The following ALDH8A1 variants were observed in gnomAD, a reference collection of about 807,000 sequenced individuals.
ALDH8A1 encodes the protein 2-aminomuconic semialdehyde dehydrogenase.
ALDH8A1 carries 39 observed loss-of-function variants against 43.3 expected under a neutral mutation model. The ratio of observed to expected loss-of-function variants is 0.90; its 90% confidence interval spans 0.70 to 1.18. ALDH8A1 has a LOEUF of 1.18. Ranked by LOEUF, ALDH8A1 falls within the 50% of genes most tolerant of loss-of-function variation. The probability of loss-of-function intolerance (pLI) is 0.00; values close to 1 mark genes in which losing one functional copy is unlikely to be tolerated. For synonymous variants in ALDH8A1, 233 were observed against 243.5 expected (o/e 0.96, Z 0.40); for missense variants, 605 against 622.6 (o/e 0.97, Z 0.30).
chr6:134,948,189 AGC>A (rs1773986667), intron 1 of ALDH8A1, among the ~76,000 whole-genome samples: 1 of 152,218 alleles, frequency 6.6e-6, no homozygotes, highest in Non-Finnish European at 1.5e-5. Context: ...CATATGTGGA[AGC>A]TTAAAAAAGT....
chr6:134,928,959 A>G, intron 6 of ALDH8A1, 95 bp downstream of exon 6: 1 of 1,388,486 alleles, frequency 7.2e-7, no homozygotes, highest in East Asian at 2.3e-5. Flanking sequence ...GGTAGTAACT[A>G]ACAATATTTC....
intron 6 of ALDH8A1, among the ~76,000 whole-genome samples, chr6:134,928,069 G>A (rs575081281): frequency 5.3e-5 from 8 of 152,254 alleles, no homozygotes; most frequent in Admixed American, 3.9e-4. Flanking sequence ...TTAAATAAAT[G>A]ACCACAAGCC....
rs535664027 is a variant in ALDH8A1, at chr6:134,917,410, T to C, written c.*1005A>G. ...TGCCATACTGGTTACTAAAATTGCT[T>C]AACATTTATTGCTTCTTTTGGGGTT... On this transcript the variant is annotated 3_prime_UTR_variant, in exon 7 of 7. Transcript: ENST00000265605. The C allele has an allele frequency of 1.3e-5, 2 of 152,304 alleles. No homozygotes were observed. The highest frequency in any genetic ancestry group is 1.9e-4 in the East Asian group (1 of 5,190). The allele number at this position is 152,304 out of a possible 1,614,324, so 9.4% of individuals were successfully genotyped here. A position where few individuals can be genotyped will look rare whatever the true frequency, so the allele number is the denominator to read the frequency against.
intron 6 of ALDH8A1, among the ~76,000 whole-genome samples, chr6:134,921,720 A>C (rs1404996467): frequency 1.3e-5 from 2 of 152,210 alleles, no homozygotes; most frequent in Non-Finnish European, 2.9e-5. Context: ...TGGAGAAGAC[A>C]AAAACACACT....
intron 5 of ALDH8A1, among the ~76,000 whole-genome samples, chr6:134,931,639 G>GT (rs144603032): frequency 0.016 from 2,377 of 152,286 alleles, 31 homozygotes; most frequent in Middle Eastern, 0.02. Context: ...TTGTCCCTCT[G>GT]TTGTTGTCTG....
chr6:134,938,748 T>C (rs995059150), intron 4 of ALDH8A1, among the ~76,000 whole-genome samples: 7 of 152,004 alleles, frequency 4.6e-5, no homozygotes, highest in Admixed American at 2.6e-4. Flanking sequence ...CCTGGGTTCA[T>C]GCCATTCTCC....
intron 3 of ALDH8A1, among the ~76,000 whole-genome samples, chr6:134,941,081 A>G (rs1322581718): frequency 1.3e-5 from 2 of 152,262 alleles, no homozygotes; most frequent in Non-Finnish European, 2.9e-5. Context: ...ACGTTCTTCC[A>G]AAGGTCAAGA....
At chr6:134,939,442 C>T in intron 3 of ALDH8A1, 27 bp from the exon 4 acceptor site, 1 of 1,609,388 alleles carries the variant, frequency 6.2e-7, no homozygotes, top group Non-Finnish European at 8.5e-7. Flanking sequence ...GAAGCACTGC[C>T]TGTGACGGCA....
chr6:134,938,657 T>C (rs1355526508), intron 4 of ALDH8A1, among the ~76,000 whole-genome samples: 1 of 152,080 alleles, frequency 6.6e-6, no homozygotes, highest in Non-Finnish European at 1.5e-5. Context: ...TTTTTTAATT[T>C]ATTTTTTTGA....
At chr6:134,922,254 G>A (rs1562250612) in intron 6 of ALDH8A1, among the ~76,000 whole-genome samples, 1 of 152,154 alleles carries the variant, frequency 6.6e-6, no homozygotes, top group Non-Finnish European at 1.5e-5. Context: ...ACAAAACAAG[G>A]CAAGCCACAT....
intron 4 of ALDH8A1, among the ~76,000 whole-genome samples, chr6:134,934,949 C>G (rs1773702772): frequency 6.6e-6 from 1 of 152,168 alleles, no homozygotes; most frequent in Admixed American, 6.5e-5. Flanking sequence ...TTAAGCTCAT[C>G]TGTGCATGCA....
intron 3 of ALDH8A1, 78 bp from the exon 4 acceptor site, chr6:134,939,493 C>T (rs903538955): frequency 2.0e-6 from 3 of 1,498,038 alleles, no homozygotes; most frequent in African/African-American, 2.8e-5. Flanking sequence ...GTTATTAACG[C>T]AAAACTCCTT....
rs141784809 is a variant in ALDH8A1, at chr6:134,925,903, G to A, written c.1011+3151C>T. Among the ~76,000 whole-genome samples the A allele has an allele frequency of 1.4e-3, 216 of 152,234 alleles. 1 individual carries two copies. Among genetic ancestry groups the A allele is most frequent in the African/African-American group, 4.6e-3 (192 of 41,548 alleles). On this transcript the variant is annotated intron_variant, in intron 6 of 6. Coordinates refer to ENST00000265605, the MANE Select transcript of ALDH8A1 (RefSeq NM_022568.4). ...CTGAAGGAAGAGCATTCCAGGCAGC[G>A]TGAGCAACAAGAGCAAGGGCCAAGA... is the stretch of plus-strand genomic sequence containing the variant.
chr6:134,928,301 C>A (rs1776919910), intron 6 of ALDH8A1, among the ~76,000 whole-genome samples: 1 of 152,202 alleles, frequency 6.6e-6, no homozygotes. Flanking sequence ...AACTGTGTTG[C>A]AGTGTCCTGA....
chr6:134,932,699 A>G, intron 5 of ALDH8A1, 77 bp downstream of exon 5: 1 of 1,554,210 alleles, frequency 6.4e-7, no homozygotes, highest in Non-Finnish European at 8.7e-7. Flanking sequence ...GCTTGCTCCC[A>G]GGCATTGCAC....
rs1206648444 is a variant in ALDH8A1 at position 134,917,557 on chromosome 6, TTTTG to T, written c.*854_*857del. 2 of 152,188 alleles carry T rather than the reference TTTTG, an allele frequency of 1.3e-5. No homozygotes were observed. Among genetic ancestry groups the T allele is most frequent in the Admixed American group, 6.5e-5 (1 of 15,282 alleles). The allele number at this position is 152,188 out of a possible 1,614,324, so 9.4% of individuals were successfully genotyped here. A position where few individuals can be genotyped will look rare whatever the true frequency, so the allele number is the denominator to read the frequency against. ...AAGTTTCCTCCAAAAGTAGTAGTTA[TTTTG>T]TTTTTCTTCATCCTTGTACAGATAC... is the stretch of plus-strand genomic sequence containing the variant. On this transcript the variant is annotated 3_prime_UTR_variant, in exon 7 of 7. Coordinates refer to ENST00000265605, the MANE Select transcript of ALDH8A1 (RefSeq NM_022568.4).
chr6:134,932,980 AC>A lies in ALDH8A1; in HGVS notation c.644del (p.Gly215ValfsTer12), dbSNP rs1777012614. On this transcript the variant is annotated frameshift_variant, in exon 5 of 7. Coordinates refer to ENST00000265605, the MANE Select transcript of ALDH8A1 (RefSeq NM_022568.4). LOFTEE classifies it high-confidence loss of function. ...NIVFGTGPRV[G>X]EALVSHPEVP... is the part of the protein sequence containing the mutation. ...CCTCTGGGTGGGACACCAGGGCCTC[AC>A]CCACCCTGGGCCCGGTTCCAAACAC... 2 of 1,611,110 alleles carry A rather than the reference AC, an allele frequency of 1.2e-6. No individual in the cohort carries two copies. The highest frequency in any genetic ancestry group is 1.7e-6 in the Non-Finnish European group (2 of 1,178,376).
intron 1 of ALDH8A1, 38 bp from the exon 2 acceptor site, chr6:134,944,004 C>A: frequency 6.3e-7 from 1 of 1,594,498 alleles, no homozygotes. Context: ...CACCTTAAAG[C>A]TGTTAGTCCT....
chr6:134,946,261 C>G (rs1384427490), intron 1 of ALDH8A1, among the ~76,000 whole-genome samples: 1 of 152,136 alleles, frequency 6.6e-6, no homozygotes, highest in African/African-American at 2.4e-5. Context: ...GAATGTGGAC[C>G]TGCAGACAGG....
Sources: allele counts gnomAD v4.1 joint callset (sites outside exome capture counted in the v4.1 genomes callset), GRCh38; gene constraint gnomAD v4.1.1; transcripts MANE v1.5; gene names NCBI Gene and HGNC (gene_info 2026-07-23, HGNC 2026-07-21).